The following SEC63 variants were observed in gnomAD, a reference collection of about 807,000 sequenced individuals.
SEC63 encodes the protein translocation protein SEC63 homolog.
A neutral mutation model predicts 116.2 loss-of-function variants in SEC63; 56 were observed. That is an observed-to-expected ratio of 0.48 (90% CI 0.39 to 0.60). SEC63 has a LOEUF of 0.60. SEC63 is among the 20% of genes least tolerant of loss of function. The probability of loss-of-function intolerance (pLI) is 0.00; values close to 1 mark genes in which losing one functional copy is unlikely to be tolerated. For synonymous variants in SEC63, 273 were observed against 294.6 expected, an observed-to-expected ratio of 0.93 and a Z score of 0.75; for missense variants, 668 against 900.0, an observed-to-expected ratio of 0.74 and a Z score of 3.30.
chr6:107,927,024 T>C (rs1427538402), intron 2 of SEC63, among the ~76,000 whole-genome samples: 1 of 152,156 alleles, frequency 6.6e-6, no homozygotes, highest in Non-Finnish European at 1.5e-5. Context: ...AGATAAGCAT[T>C]TTCCCCATAC....
At chr6:107,953,903 T>C (rs1205441101) in intron 1 of SEC63, among the ~76,000 whole-genome samples, 4 of 142,452 alleles carry the variant, frequency 2.8e-5, no homozygotes, top group Non-Finnish European at 6.2e-5. Flanking sequence ...GCGCCTCTCC[T>C]CAGCCGCCCC....
intron 1 of SEC63, among the ~76,000 whole-genome samples, chr6:107,935,154 T>C (rs1252423770): frequency 7.1e-6 from 1 of 141,218 alleles, no homozygotes; most frequent in Non-Finnish European, 1.5e-5. Flanking sequence ...AGCTGCCCCG[T>C]CCGGGAGGGA....
intron 16 of SEC63, among the ~76,000 whole-genome samples, chr6:107,887,181 T>G (rs1258260089): frequency 6.6e-6 from 1 of 151,582 alleles, no homozygotes; most frequent in East Asian, 1.9e-4. Flanking sequence ...ATTGTGGAAG[T>G]CAGTGTGGCA....
chr6:107,903,743 G>C (rs994675878), intron 11 of SEC63, among the ~76,000 whole-genome samples: 3 of 152,088 alleles, frequency 2.0e-5, no homozygotes, highest in East Asian at 1.9e-4. Context: ...TTTTATATCA[G>C]TTAAAGATTT....
At chr6:107,904,506 T>C (rs966965257) in intron 11 of SEC63, 123 bp downstream of exon 11, 35 of 742,090 alleles carry the variant, frequency 4.7e-5, no homozygotes, top group East Asian at 9.9e-5. Flanking sequence ...ATGAGTAAAA[T>C]TGAAGAAGCT....
At chr6:107,947,503 T>C (rs1770501308) in intron 1 of SEC63, among the ~76,000 whole-genome samples, 1 of 151,504 alleles carries the variant, frequency 6.6e-6, no homozygotes, top group African/African-American at 2.4e-5. Context: ...GCCCAGGAGA[T>C]TGAGGTTGCA....
Position 107,901,345 on chromosome 6 carries a change from C to A in SEC63, c.1357+25G>T, listed in dbSNP as rs1289663331. The A allele has an allele frequency of 3.1e-6, 5 of 1,609,090 alleles. No homozygotes were observed. The South Asian group carries it at 5.5e-5, about 18-fold the overall frequency. Reference sequence around the variant, plus strand: ...CCAATCTATCAAAAGGGAAGCAATGCTCAACAGAGAAACCTCCCACTTACC... The same window carrying A: ...CCAATCTATCAAAAGGGAAGCAATGATCAACAGAGAAACCTCCCACTTACC... On this transcript the variant is annotated intron_variant, in intron 13 of 20. Coordinates refer to ENST00000369002, the MANE Select transcript of SEC63 (RefSeq NM_007214.5).
intron 1 of SEC63, among the ~76,000 whole-genome samples, chr6:107,950,471 T>C (rs554193114): frequency 5.5e-4 from 84 of 152,298 alleles, no homozygotes; most frequent in African/African-American, 1.9e-3. Flanking sequence ...AGCACATACA[T>C]TGTTCAGAAG....
intron 16 of SEC63, among the ~76,000 whole-genome samples, chr6:107,883,814 A>C (rs969325935): frequency 6.6e-6 from 1 of 151,830 alleles, no homozygotes; most frequent in African/African-American, 2.4e-5. Flanking sequence ...CTCAAAAAAA[A>C]AAAGAAATAA....
At chr6:107,872,641 C>T (rs184495911) in intron 20 of SEC63, among the ~76,000 whole-genome samples, 167 bp downstream of exon 20, 24 of 152,128 alleles carry the variant, frequency 1.6e-4, no homozygotes, top group African/African-American at 5.8e-4. Flanking sequence ...AACCTAAAAC[C>T]TTAAGTTTAT....
At chr6:107,913,526 G>T in intron 4 of SEC63, 99 bp from the exon 5 acceptor site, 1 of 839,300 alleles carries the variant, frequency 1.2e-6, no homozygotes, top group Non-Finnish European at 2.1e-6. Flanking sequence ...TCATTTCTTA[G>T]AAGATACTGA....
chr6:107,873,002 C>T, intron 19 of SEC63, 90 bp from the exon 20 acceptor site: 1 of 792,782 alleles, frequency 1.3e-6, no homozygotes, highest in Non-Finnish European at 2.2e-6. Context: ...ATTTAACAGC[C>T]AGGTTTTTTC....
chr6:107,895,208 C>G (rs1200845224), intron 14 of SEC63, among the ~76,000 whole-genome samples: 1 of 152,120 alleles, frequency 6.6e-6, no homozygotes, highest in African/African-American at 2.4e-5. Context: ...GTCAATAGTT[C>G]AAGACCAAAT....
At chr6:107,941,076 C>A (rs911483925) in intron 1 of SEC63, among the ~76,000 whole-genome samples, 4 of 152,094 alleles carry the variant, frequency 2.6e-5, no homozygotes, top group Admixed American at 6.6e-5. Context: ...ACTTAACATA[C>A]AAGGATGTAT....
rs118014779 is a variant in SEC63 at position 107,892,900 on chromosome 6, A to G, written c.1674+582T>C. ...GAGCATAAAATGGTACAACTTTGGA[A>G]AACAGGCTCTTTTAACGAGTTAAGC... is the stretch of plus-strand genomic sequence containing the variant. On this transcript the variant is annotated intron_variant, in intron 16 of 20. Transcript: ENST00000369002. Among the ~76,000 whole-genome samples the G allele has an allele frequency of 2.6e-3, 392 of 152,326 alleles. 3 individuals carry two copies. The highest frequency in any genetic ancestry group is 0.015 in the East Asian group (77 of 5,186).
intron 1 of SEC63, among the ~76,000 whole-genome samples, chr6:107,943,620 TA>T (rs959906960): frequency 7.2e-5 from 11 of 152,096 alleles, no homozygotes; most frequent in African/African-American, 2.7e-4. Flanking sequence ...CACTACAATT[TA>T]AAATAGGAAG....
chr6:107,904,280 C>A (rs543692089), intron 11 of SEC63, among the ~76,000 whole-genome samples: 10 of 141,678 alleles, frequency 7.1e-5, no homozygotes, highest in Non-Finnish European at 1.4e-4. Flanking sequence ...TGTGGTGGTA[C>A]GCGCCTGTAA....
intron 13 of SEC63, among the ~76,000 whole-genome samples, chr6:107,900,874 T>C (rs768932501): frequency 1.9e-4 from 29 of 152,108 alleles, no homozygotes; most frequent in Non-Finnish European, 2.5e-4. Context: ...GGTAGAAAAA[T>C]AGCCTTTATT....
intron 1 of SEC63, among the ~76,000 whole-genome samples, chr6:107,952,372 C>T (rs1770598168): frequency 6.6e-6 from 1 of 152,006 alleles, no homozygotes; most frequent in Non-Finnish European, 1.5e-5. Context: ...CCACTAATTC[C>T]AAAACAGCCA....
Sources: allele counts gnomAD v4.1 joint callset (sites outside exome capture counted in the v4.1 genomes callset), GRCh38; gene constraint gnomAD v4.1.1; transcripts MANE v1.5; gene names NCBI Gene and HGNC (gene_info 2026-07-23, HGNC 2026-07-21).